The following LRP2 variants were observed in gnomAD, a reference collection of about 807,000 sequenced individuals.
LRP2 encodes the protein low-density lipoprotein receptor-related protein 2.
Under a neutral mutation model 531.0 loss-of-function variants are expected in LRP2, and 172 were observed. That is an observed-to-expected ratio of 0.32 (90% confidence interval 0.29 to 0.37). LRP2 has a LOEUF of 0.37. LRP2 is among the 10% of genes least tolerant of loss of function. The probability of loss-of-function intolerance (pLI) is 1.00; values close to 1 mark genes in which losing one functional copy is unlikely to be tolerated. For synonymous variants in LRP2, 1,992 were observed against 2,027.6 expected (o/e 0.98, Z 0.47); for missense variants, 5,167 against 5,868.3 (o/e 0.88, Z 3.90).
At position 169,163,757 on chromosome 2, in the gene LRP2, A is replaced by C. The variant is rs373687350; in HGVS notation, c.11759-1157T>G. Among the ~76,000 whole-genome samples the C allele has an allele frequency of 2.6e-5, 4 of 152,300 alleles. No individual in the cohort carries two copies. In the East Asian group the frequency reaches 7.7e-4, roughly 29 times the overall value. ...ACAACTCCTGGGCTCCCGACCTTCT[A>C]TAAGCAAGAAGTGGGGTGAGAAAGC... On this transcript the variant is annotated intron_variant, in intron 62 of 78. Transcript: ENST00000649046.
chr2:169,225,522 A>C, intron 32 of LRP2, 69 bp from the exon 33 acceptor site: 3 of 1,542,380 alleles, frequency 1.9e-6, no homozygotes, highest in Non-Finnish European at 2.7e-6. Context: ...CCCTTTCTTC[A>C]CTGTGGCTAC....
At chr2:169,340,830 C>T (rs991191920) in intron 1 of LRP2, among the ~76,000 whole-genome samples, 2 of 152,132 alleles carry the variant, frequency 1.3e-5, no homozygotes, top group Admixed American at 6.5e-5. Flanking sequence ...TACCTCCCCA[C>T]CATGATGGAG....
intron 1 of LRP2, among the ~76,000 whole-genome samples, chr2:169,327,629 C>T (rs1194814142): frequency 6.0e-5 from 6 of 100,502 alleles, no homozygotes; most frequent in South Asian, 7.8e-4. Context: ...GCCCCTCTGC[C>T]GGGCCAGCCA....
chr2:169,240,788 G>T, intron 25 of LRP2, 200 bp downstream of exon 25: 4 of 674,260 alleles, frequency 5.9e-6, no homozygotes, highest in Non-Finnish European at 1.1e-5. Context: ...ACATAACCAA[G>T]TACAAAGGAT....
chr2:169,344,408 A>G (rs1685644274), intron 1 of LRP2, among the ~76,000 whole-genome samples: 1 of 152,096 alleles, frequency 6.6e-6, no homozygotes, highest in African/African-American at 2.4e-5. Context: ...TCCAGCTCAT[A>G]TTTCATTGGA....
intron 77 of LRP2, among the ~76,000 whole-genome samples, chr2:169,130,704 C>T (rs1685253867): frequency 6.6e-6 from 1 of 152,210 alleles, no homozygotes; most frequent in Admixed American, 6.5e-5. Flanking sequence ...GCTTTTAAAG[C>T]ATGCTGGCTG....
chr2:169,178,083 C>T, intron 52 of LRP2, 57 bp from the exon 53 acceptor site: 1 of 1,245,398 alleles, frequency 8.0e-7, no homozygotes, highest in Non-Finnish European at 1.2e-6. Flanking sequence ...CCTCTAATGT[C>T]TTGCAGGATA....
At chr2:169,304,663 T>TTG (rs1175822630) in intron 4 of LRP2, among the ~76,000 whole-genome samples, 1 of 152,152 alleles carries the variant, frequency 6.6e-6, no homozygotes, top group African/African-American at 2.4e-5. Context: ...TCTCTAAACT[T>TTG]GCCAGAGTTT....
intron 16 of LRP2, among the ~76,000 whole-genome samples, chr2:169,263,787 A>G (rs1166501181): frequency 3.3e-5 from 5 of 152,142 alleles, no homozygotes; most frequent in Non-Finnish European, 7.3e-5. Context: ...CTATAAAGAC[A>G]CATGCACACG....
intron 61 of LRP2, 72 bp from the exon 62 acceptor site, chr2:169,166,126 C>T (rs1230438521): frequency 1.3e-6 from 2 of 1,511,916 alleles, no homozygotes; most frequent in Non-Finnish European, 1.8e-6. Flanking sequence ...TAAAATACTC[C>T]AGTGTCAGCA....
At chr2:169,285,613 A>G (rs938842765) in intron 9 of LRP2, among the ~76,000 whole-genome samples, 5 of 152,128 alleles carry the variant, frequency 3.3e-5, no homozygotes, top group Non-Finnish European at 7.4e-5. Context: ...CCCCTTTTTA[A>G]CTGAGCCCCC....
chr2:169,177,710 CTT>C, intron 53 of LRP2, 91 bp downstream of exon 53: 1 of 1,123,222 alleles, frequency 8.9e-7, no homozygotes, highest in African/African-American at 1.5e-5. Flanking sequence ...GTGCAACAAA[CTT>C]TTTGTAAATC....
chr2:169,274,934 C>T (rs1008036135), intron 14 of LRP2, 102 bp downstream of exon 14: 6 of 1,162,650 alleles, frequency 5.2e-6, no homozygotes, highest in African/African-American at 1.5e-5. Flanking sequence ...GAGAATGCCA[C>T]CCAAATCACA....
intron 3 of LRP2, among the ~76,000 whole-genome samples, chr2:169,316,977 G>A (rs191004638): frequency 5.1e-4 from 78 of 152,248 alleles, no homozygotes; most frequent in African/African-American, 1.7e-3. Context: ...GTGTGAGAAG[G>A]AAGGAAAAGT....
intron 7 of LRP2, among the ~76,000 whole-genome samples, chr2:169,291,880 T>G (rs1173214333): frequency 1.3e-5 from 2 of 152,338 alleles, no homozygotes; most frequent in East Asian, 3.9e-4. Context: ...AATGACATTT[T>G]CCCTATTTTC....
At chr2:169,214,759 G>A (rs763296634) in intron 35 of LRP2, among the ~76,000 whole-genome samples, 5 of 152,302 alleles carry the variant, frequency 3.3e-5, no homozygotes, top group South Asian at 2.1e-4. Context: ...AAGCTGAGCC[G>A]TGATCCAACT....
At position 169,152,911 on chromosome 2, in the gene LRP2, G is replaced by A. The variant is rs764804647; in HGVS notation, c.12349C>T (p.Arg4117Cys). 3.5e-5 allele frequency: 56 copies of A among 1,614,070 alleles called. No individual in the cohort carries two copies. The East Asian group carries it at 6.2e-4, about 18-fold the overall frequency. Residue 4117 changes from arginine (R) to cysteine (C), a missense_variant, in exon 67 of 79, where the codon CGT becomes TGT. Coordinates refer to ENST00000649046, the MANE Select transcript of LRP2 (RefSeq NM_004525.3). ...GEGSRFGAIK[R>C]AYIPNFESGR... ...GATTCAAAGTTGGGGATGTAGGCAC[G>A]TTTGATAGCACCAAACCTAGAGCCC...
Position 169,258,909 on chromosome 2 carries a change from C to T in LRP2, c.2513+116G>A, listed in dbSNP as rs939326590. ...GAAATAAAATTTAAGGTGATTTCAACTTATACAGTTCAATCTTATATTTGC... is the reference window on the plus strand; with the variant it reads ...GAAATAAAATTTAAGGTGATTTCAATTTATACAGTTCAATCTTATATTTGC... On this transcript the variant is annotated intron_variant, in intron 17 of 78. Coordinates refer to ENST00000649046, the MANE Select transcript of LRP2 (RefSeq NM_004525.3). The T allele has an allele frequency of 4.4e-5, 41 of 938,906 alleles. No individual in the cohort carries two copies. In the East Asian group the frequency reaches 6.2e-4, roughly 14 times the overall value. The allele number at this position is 938,906 out of a possible 1,614,324, so 58.2% of individuals were successfully genotyped here. A position where few individuals can be genotyped will look rare whatever the true frequency, so the allele number is the denominator to read the frequency against.
intron 53 of LRP2, 137 bp from the exon 54 acceptor site, chr2:169,176,725 A>C: frequency 1.3e-6 from 1 of 776,118 alleles, no homozygotes; most frequent in Non-Finnish European, 2.2e-6. Flanking sequence ...TGATTTTCCC[A>C]AAAGTTCCTA....
Sources: allele counts gnomAD v4.1 joint callset (sites outside exome capture counted in the v4.1 genomes callset), GRCh38; gene constraint gnomAD v4.1.1; transcripts MANE v1.5; gene names NCBI Gene and HGNC (gene_info 2026-07-23, HGNC 2026-07-21).